GNB1: variants seen among roughly 807,000 people sequenced by gnomAD.
The protein encoded by GNB1 is guanine nucleotide-binding protein G(I)/G(S)/G(T) subunit beta-1.
Under a neutral mutation model 42.9 loss-of-function variants are expected in GNB1, and 2 were observed. That is an observed-to-expected ratio of 0.05 (90% CI 0.02 to 0.15). The LOEUF is 0.15. Ranked by LOEUF, GNB1 falls within the 10% of genes least tolerant of loss-of-function variation. The pLI is 1.00. For synonymous variants in GNB1, 183 were observed against 174.7 expected, an observed-to-expected ratio of 1.05 and a Z score of -0.38; for missense variants, 193 against 462.2, an observed-to-expected ratio of 0.42 and a Z score of 5.34.
At chr1:1,820,446 C>G (rs930715047) in intron 3 of GNB1, among the ~76,000 whole-genome samples, 1 of 149,928 alleles carries the variant, frequency 6.7e-6, no homozygotes, top group Admixed American at 6.7e-5. Context: ...TTTAGTTAAG[C>G]TCTTTATTGG....
chr1:1,810,089 T>C (rs1049406991), intron 5 of GNB1, among the ~76,000 whole-genome samples: 1 of 151,912 alleles, frequency 6.6e-6, no homozygotes, highest in African/African-American at 2.4e-5. Flanking sequence ...TATATATATA[T>C]TTTTTGAGAT....
intron 1 of GNB1, among the ~76,000 whole-genome samples, chr1:1,843,743 C>A (rs1204167861): frequency 6.6e-6 from 1 of 152,100 alleles, no homozygotes; most frequent in African/African-American, 2.4e-5. Flanking sequence ...ACCAGTCCCA[C>A]AATAATGTAA....
intron 1 of GNB1, among the ~76,000 whole-genome samples, chr1:1,847,188 T>TTATGA (rs1647715603): frequency 6.6e-6 from 1 of 152,104 alleles, no homozygotes; most frequent in African/African-American, 2.4e-5. Flanking sequence ...GCAGCCGGGT[T>TTATGA]TATGATCAGG....
At chr1:1,827,421 T>C (rs1408334874) in intron 2 of GNB1, among the ~76,000 whole-genome samples, 1 of 152,204 alleles carries the variant, frequency 6.6e-6, no homozygotes, top group Non-Finnish European at 1.5e-5. Context: ...GATGTTTTAA[T>C]CATGAGGAAA....
intron 1 of GNB1, among the ~76,000 whole-genome samples, chr1:1,858,219 G>A (rs1648411551): frequency 6.6e-6 from 1 of 152,180 alleles, no homozygotes; most frequent in Admixed American, 6.5e-5. Flanking sequence ...AGAAGGCCAT[G>A]GCCAGAATCA....
chr1:1,863,677 CTCCT>C (rs920929498), intron 1 of GNB1, among the ~76,000 whole-genome samples: 4 of 152,234 alleles, frequency 2.6e-5, no homozygotes, highest in African/African-American at 4.8e-5. Context: ...TTGAGATCTT[CTCCT>C]TCCAAGGTTC....
At chr1:1,834,817 T>C (rs1217881962) in intron 2 of GNB1, among the ~76,000 whole-genome samples, 4 of 151,992 alleles carry the variant, frequency 2.6e-5, no homozygotes, top group Non-Finnish European at 5.9e-5. Flanking sequence ...TACAGGCGCC[T>C]GCCACTATGC....
intron 7 of GNB1, among the ~76,000 whole-genome samples, chr1:1,802,638 G>T (rs1570637264): frequency 6.6e-6 from 1 of 151,970 alleles, no homozygotes. Context: ...GCGTGGTGGT[G>T]CACGCCTGTA....
intron 1 of GNB1, among the ~76,000 whole-genome samples, chr1:1,880,831 T>C (rs1649803646): frequency 6.6e-6 from 1 of 152,142 alleles, no homozygotes; most frequent in African/African-American, 2.4e-5. Flanking sequence ...CAGCATTTAC[T>C]GTGTACCGTT....
At position 1,815,773 on chromosome 1, in the gene GNB1, G is replaced by C. The variant is rs747574579; in HGVS notation, c.186C>G (p.His62Gln). 1.3e-6 allele frequency: 2 copies of C among 1,588,990 alleles called. No homozygotes were observed. Among genetic ancestry groups the C allele is most frequent in the South Asian group, 1.1e-5 (1 of 90,596 alleles). Residue 62 changes from histidine to glutamine, a missense_variant, in exon 5 of 12, where the codon CAC becomes CAG. Coordinates refer to ENST00000378609, the MANE Select transcript of GNB1 (RefSeq NM_002074.5). ...ACGCCTACCTGGAGTCTGTGCCCCAGTGCATGGCGTAGATCTTGGCCAGGT... is the reference window on the plus strand; with the variant it reads ...ACGCCTACCTGGAGTCTGTGCCCCACTGCATGGCGTAGATCTTGGCCAGGT... ...RGHLAKIYAM[H>Q]WGTDSRLLVS...
chr1:1,877,141 A>AAC (rs1318863026), intron 1 of GNB1, among the ~76,000 whole-genome samples: 1 of 151,856 alleles, frequency 6.6e-6, no homozygotes, highest in Non-Finnish European at 1.5e-5. Context: ...TCTCTACTAA[A>AAC]AATACAAAAT....
chr1:1,792,599 G>A (rs986490605), intron 8 of GNB1, among the ~76,000 whole-genome samples: 3 of 150,616 alleles, frequency 2.0e-5, no homozygotes, highest in Admixed American at 6.6e-5. Flanking sequence ...TCGGGAGGCT[G>A]AGAGGGGAGA....
intron 3 of GNB1, 117 bp from the exon 4 acceptor site, chr1:1,817,992 G>A (rs1462302056): frequency 3.9e-6 from 3 of 760,654 alleles, no homozygotes; most frequent in Non-Finnish European, 6.9e-6. Flanking sequence ...AAAGCAGAAT[G>A]TGAAAGAACG....
intron 5 of GNB1, among the ~76,000 whole-genome samples, chr1:1,815,409 C>G (rs1646840419): frequency 6.6e-6 from 1 of 152,142 alleles, no homozygotes; most frequent in Non-Finnish European, 1.5e-5. Context: ...GAAACAGGCA[C>G]AGAGAGGTAA....
intron 1 of GNB1, among the ~76,000 whole-genome samples, chr1:1,847,797 T>G (rs1230796895): frequency 2.0e-5 from 3 of 149,206 alleles, no homozygotes; most frequent in Non-Finnish European, 3.0e-5. Context: ...GGTAGGGGGG[T>G]GGGTAAGGAC....
At chr1:1,792,954 T>C (rs1337741098) in intron 8 of GNB1, among the ~76,000 whole-genome samples, 1 of 151,532 alleles carries the variant, frequency 6.6e-6, no homozygotes, top group African/African-American at 2.4e-5. Context: ...TAATCCCAGC[T>C]ATTCAGGAGG....
chr1:1,813,790 T>C (rs1646814157), intron 5 of GNB1, among the ~76,000 whole-genome samples: 1 of 152,224 alleles, frequency 6.6e-6, no homozygotes, highest in Non-Finnish European at 1.5e-5. Context: ...TGTGCCTGGT[T>C]ACTTATTTAT....
At chr1:1,828,420 T>C (rs1570679181) in intron 2 of GNB1, among the ~76,000 whole-genome samples, 1 of 152,212 alleles carries the variant, frequency 6.6e-6, no homozygotes, top group African/African-American at 2.4e-5. Flanking sequence ...AAATCTTACA[T>C]ACTGCTTTTA....
At position 1,806,480 on chromosome 1, in the gene GNB1, T is replaced by C; in HGVS notation, c.262A>G (p.Asn88Asp). The change falls in exon 6 of 12, where the codon AAC (asparagine) becomes GAC (aspartate). Residue 88 changes from asparagine to aspartate, a missense_variant. Physicochemically the swap from Asn to Asp is conservative, Grantham distance 23 (BLOSUM62 1). Around this residue, in one of 2 missense-constraint regions of GNB1, gnomAD observed 150 missense variants for 410.8 expected, o/e 0.37. Coordinates refer to ENST00000378609, the MANE Select transcript of GNB1 (RefSeq NM_002074.5). ...KLIIWDSYTT[N>D]KVHAIPLRSS... ...GGGAATCCTCCAGTCCCTACCTTGT[T>C]GGTGGTGTAGCTGTCCCAGATGATA... The C allele has an allele frequency of 6.3e-7, 1 of 1,598,382 alleles. No homozygotes were observed.
Sources: allele counts gnomAD v4.1 joint callset (sites outside exome capture counted in the v4.1 genomes callset), GRCh38; gene constraint gnomAD v4.1.1; regional missense constraint gnomAD v4.1.1; transcripts MANE v1.5; gene names NCBI Gene and HGNC (gene_info 2026-07-23, HGNC 2026-07-21).